The following ZMYM4 variants were observed in gnomAD, a reference collection of about 807,000 sequenced individuals.
ZMYM4 encodes the protein zinc finger MYM-type containing 4, also known as zinc finger MYM-type protein 4.
ZMYM4 carries 31 observed loss-of-function variants against 183.2 expected under a neutral mutation model. The ratio of observed to expected loss-of-function variants is 0.17; its 90% CI spans 0.13 to 0.23. The LOEUF (loss-of-function observed/expected upper bound fraction) is 0.23, where lower values mean the gene tolerates loss of function less well. Ranked by LOEUF, ZMYM4 falls within the 10% of genes least tolerant of loss-of-function variation. The pLI is 1.00. For synonymous variants in ZMYM4, 592 were observed against 631.2 expected (o/e 0.94, Z 0.93); for missense variants, 1,273 against 1,840.3 (o/e 0.69, Z 5.64).
intron 12 of ZMYM4, 31 bp downstream of exon 12, chr1:35,387,309 T>A: frequency 1.2e-6 from 2 of 1,603,908 alleles, no homozygotes; most frequent in Non-Finnish European, 8.5e-7. Flanking sequence ...GATAAGATTT[T>A]GAGTATACGT....
At chr1:35,280,258 C>A (rs1640089479) in intron 1 of ZMYM4, among the ~76,000 whole-genome samples, 1 of 130,448 alleles carries the variant, frequency 7.7e-6, no homozygotes, top group Non-Finnish European at 1.5e-5. Context: ...TTCTTTCTCT[C>A]TTTCTCTCTC....
At chr1:35,291,289 T>C (rs1017231479) in intron 1 of ZMYM4, among the ~76,000 whole-genome samples, 3 of 151,940 alleles carry the variant, frequency 2.0e-5, no homozygotes, top group African/African-American at 7.2e-5. Flanking sequence ...TTCACTTTCT[T>C]TTTTTTTGCA....
intron 2 of ZMYM4, among the ~76,000 whole-genome samples, chr1:35,329,638 ATTATTC>A (rs1321008965): frequency 6.6e-6 from 1 of 152,166 alleles, no homozygotes; most frequent in African/African-American, 2.4e-5. Flanking sequence ...GATTCTAAAA[ATTATTC>A]TTATTATTTT....
intron 25 of ZMYM4, among the ~76,000 whole-genome samples, chr1:35,406,921 A>G (rs928930829): frequency 2.0e-5 from 3 of 152,322 alleles, no homozygotes; most frequent in Admixed American, 2.0e-4. Flanking sequence ...CTCAAAATTA[A>G]TTCAGCTCAT....
intron 1 of ZMYM4, among the ~76,000 whole-genome samples, chr1:35,307,417 GAATTCCCTTA>G: frequency 6.6e-6 from 1 of 151,810 alleles, no homozygotes; most frequent in East Asian, 1.9e-4. Context: ...TGGACAAACA[GAATTCCCTTA>G]GAAGGTAAAT....
chr1:35,401,927 C>T (rs1644916710), intron 23 of ZMYM4, among the ~76,000 whole-genome samples: 1 of 152,120 alleles, frequency 6.6e-6, no homozygotes, highest in Non-Finnish European at 1.5e-5. Flanking sequence ...ATCTATCAGT[C>T]TGTTTCTGAA....
Position 35,389,872 on chromosome 1 carries a change from T to C in ZMYM4, c.2437-76T>C. 1.3e-6 allele frequency: 2 copies of C among 1,492,142 alleles called. No individual in the cohort carries two copies. Among genetic ancestry groups the C allele is most frequent in the Non-Finnish European group, 1.8e-6 (2 of 1,104,246 alleles). 92.4% of individuals were successfully genotyped at this position (1,492,142 alleles called of 1,614,324 possible). A position where few individuals can be genotyped will look rare whatever the true frequency, so the allele number is the denominator to read the frequency against. On this transcript the variant is annotated intron_variant, in intron 14 of 29. Coordinates refer to ENST00000314607, the MANE Select transcript of ZMYM4 (RefSeq NM_005095.3). The surrounding 1 kb of genome is among the most constrained non-coding windows in gnomAD (Gnocchi z 4.0). ...ATTCTAAGTTAATTTCGTCACTTGT[T>C]ATGTGTGTCTTATTTTTATTTTGTC...
chr1:35,301,732 G>T (rs1184769749), intron 1 of ZMYM4, among the ~76,000 whole-genome samples: 2 of 152,070 alleles, frequency 1.3e-5, no homozygotes. Flanking sequence ...AGAGTACTCT[G>T]CAGATCTCTG....
chr1:35,392,435 T>C, intron 16 of ZMYM4, 83 bp downstream of exon 16: 1 of 1,507,304 alleles, frequency 6.6e-7, no homozygotes, highest in Non-Finnish European at 9.0e-7. Context: ...CAGGGATTAT[T>C]TTCATACATT....
At chr1:35,272,031 A>G (rs995490121) in intron 1 of ZMYM4, among the ~76,000 whole-genome samples, 5 of 152,234 alleles carry the variant, frequency 3.3e-5, no homozygotes, top group African/African-American at 1.2e-4. Flanking sequence ...TTGATATTTC[A>G]TTAGAATGTT....
chr1:35,316,914 G>A (rs1030493379), intron 1 of ZMYM4, among the ~76,000 whole-genome samples: 1 of 151,854 alleles, frequency 6.6e-6, no homozygotes, highest in Non-Finnish European at 1.5e-5. Flanking sequence ...CTGAGGTCAG[G>A]AGTTTGTGAC....
At chr1:35,270,628 C>T (rs1335086398) in intron 1 of ZMYM4, among the ~76,000 whole-genome samples, 1 of 152,052 alleles carries the variant, frequency 6.6e-6, no homozygotes, top group African/African-American at 2.4e-5. Context: ...GGCGTGGTGG[C>T]GGGTGCCTGT....
At chr1:35,342,735 A>G (rs1250214958) in intron 2 of ZMYM4, among the ~76,000 whole-genome samples, 1 of 151,872 alleles carries the variant, frequency 6.6e-6, no homozygotes, top group Non-Finnish European at 1.5e-5. Flanking sequence ...CAGTGGTGTG[A>G]TCATGGCTCA....
At chr1:35,321,589 CTGTG>C (rs141218579) in intron 1 of ZMYM4, among the ~76,000 whole-genome samples, 3 of 147,890 alleles carry the variant, frequency 2.0e-5, no homozygotes, top group African/African-American at 4.9e-5. Flanking sequence ...ACTTTCAGAG[CTGTG>C]TGTGTGTGTG....
chr1:35,407,357 G>A (rs758874963), intron 25 of ZMYM4, among the ~76,000 whole-genome samples: 25 of 151,796 alleles, frequency 1.6e-4, no homozygotes, highest in Non-Finnish European at 3.4e-4. Flanking sequence ...ACTTGAACCC[G>A]GCGGAGGTTG....
intron 2 of ZMYM4, chr1:35,351,367 A>T: frequency 6.3e-7 from 1 of 1,574,854 alleles, no homozygotes. Flanking sequence ...GAAGATGAAG[A>T]TGCTTACAAG....
chr1:35,318,078 A>C (rs1217303566), intron 1 of ZMYM4, among the ~76,000 whole-genome samples: 1 of 68,574 alleles, frequency 1.5e-5, no homozygotes, highest in Non-Finnish European at 2.4e-5. Context: ...TTTTTTTTTG[A>C]GACAGAGTCT....
chr1:35,395,540 T>C (rs1193429890), intron 18 of ZMYM4, among the ~76,000 whole-genome samples: 1 of 152,222 alleles, frequency 6.6e-6, no homozygotes, highest in Admixed American at 6.5e-5. Flanking sequence ...TTAATGATTT[T>C]ACACTTATCT....
chr1:35,387,075 A>C lies in ZMYM4; in HGVS notation c.1909A>C (p.Ile637Leu). 1 of 1,614,248 alleles carries C rather than the reference A, an allele frequency of 6.2e-7. No individual in the cohort carries two copies. The highest frequency in any genetic ancestry group is 8.5e-7 in the Non-Finnish European group (1 of 1,180,046). Residue 637 changes from isoleucine (I) to leucine (L), a missense_variant, in exon 12 of 30, where the codon ATC becomes CTC. Physicochemically the swap from Ile to Leu is conservative, Grantham distance 5. This residue lies in a region of ZMYM4 where 319 missense variants were observed against 518.1 expected (regional missense o/e 0.62). Transcript: ENST00000314607. ...PLSQGQVIVS[I>L]PTGSTVSAGG... ...GTCTCAGGGCCAAGTAATTGTAAGC[A>C]TCCCCACAGGTTCCACAGTGTCAGC...
Sources: allele counts gnomAD v4.1 joint callset (sites outside exome capture counted in the v4.1 genomes callset), GRCh38; gene constraint gnomAD v4.1.1; regional missense constraint gnomAD v4.1.1; non-coding constraint Gnocchi (gnomAD v3.1); transcripts MANE v1.5; gene names NCBI Gene and HGNC (gene_info 2026-07-23, HGNC 2026-07-21).